Variants in SMG9 observed in about 807,000 individuals in gnomAD.
SMG9 encodes SMG9 nonsense mediated mRNA decay factor.
Under a neutral mutation model 64.0 loss-of-function variants are expected in SMG9, and 55 were observed. That is an observed-to-expected ratio of 0.86 (90% CI 0.69 to 1.08). The LOEUF is 1.08. SMG9 is among the 50% of genes least tolerant of loss of function. The probability of loss-of-function intolerance (pLI) is 0.00; values close to 1 mark genes in which losing one functional copy is unlikely to be tolerated. For missense variants in SMG9, 554 were observed against 681.3 expected, an observed-to-expected ratio of 0.81 and a Z score of 2.08; for synonymous variants, 244 against 254.8, an observed-to-expected ratio of 0.96 and a Z score of 0.41.
intron 6 of SMG9, among the ~76,000 whole-genome samples, chr19:43,740,479 C>G (rs554014379): frequency 6.6e-6 from 1 of 152,202 alleles, no homozygotes; most frequent in East Asian, 1.9e-4. Context: ...GCAGAGACTC[C>G]GCCAGTCTGC....
rs1469546061 is a variant in SMG9 at position 43,749,765 on chromosome 19, A to T, written c.150+827T>A. ...GAGGGGAGCGAGGCTGGGCCTGGGC[A>T]CAAGCCGATCCCTCCTGATTCCCAG... On this transcript the variant is annotated intron_variant, in intron 2 of 13. Transcript: ENST00000270066. Among the ~76,000 whole-genome samples, 7 of 152,192 alleles carry T rather than the reference A, an allele frequency of 4.6e-5. No homozygotes were observed. The South Asian group carries it at 1.4e-3, about 32-fold the overall frequency.
At position 43,728,406 on chromosome 19, in the gene SMG9, C is replaced by G. The variant is rs536353767; in HGVS notation, c.*3190G>C. On this transcript the variant is annotated 3_prime_UTR_variant, in exon 14 of 14. Transcript: ENST00000270066. ...GATTGTAAGTTTCCTGAGGCCTCCC[C>G]AGAAGCCGAGCAGATGCCAGCACCA... 1 of 154,304 alleles carries G rather than the reference C, an allele frequency of 6.5e-6. No individual in the cohort carries two copies. The highest frequency in any genetic ancestry group is 2.4e-5 in the African/African-American group (1 of 41,608). 9.6% of individuals were successfully genotyped at this position (154,304 alleles called of 1,614,324 possible). A position where few individuals can be genotyped will look rare whatever the true frequency, so the allele number is the denominator to read the frequency against.
Position 43,747,787 on chromosome 19 carries a change from G to A in SMG9, c.336C>T (p.Ala112=), listed in dbSNP as rs373495772. 2.1e-4 allele frequency: 345 copies of A among 1,606,408 alleles called. 2 individuals carry two copies. Among genetic ancestry groups the A allele is most frequent in the South Asian group, 1.8e-3 (163 of 90,236 alleles). ...CCTCAGGGGTAGAGGCACCTGTCAC[G>A]GCCACAGGCCCCTTCCCCTCCTCCC... ...KPREEGKGPV[A]VTGASTPEGT... The change falls in exon 4 of 14, where the codon GCC becomes GCT. Residue 112 remains alanine, a synonymous_variant. Transcript: ENST00000270066.
intron 8 of SMG9, 78 bp downstream of exon 8, chr19:43,738,044 C>T: frequency 2.1e-6 from 3 of 1,406,904 alleles, no homozygotes; most frequent in African/African-American, 1.4e-5. Flanking sequence ...GGACCACCCA[C>T]ACCCAGCTCT....
chr19:43,734,506 G>A lies in SMG9; in HGVS notation c.996-11C>T, dbSNP rs1157908385. On this transcript the variant is annotated splice_polypyrimidine_tract_variant and intron_variant, in intron 9 of 13. Coordinates refer to ENST00000270066, the MANE Select transcript of SMG9 (RefSeq NM_019108.4). Reference sequence around the variant, plus strand: ...GCTGTCTGCAGGAACCTTGGGGTTTGGGGTGAGTGGCTGTTGCTCTTGCAC... The same window carrying A: ...GCTGTCTGCAGGAACCTTGGGGTTTAGGGTGAGTGGCTGTTGCTCTTGCAC... 1.3e-6 allele frequency: 2 copies of A among 1,544,408 alleles called. No homozygotes were observed. The highest frequency in any genetic ancestry group is 1.8e-6 in the Non-Finnish European group (2 of 1,140,544).
In SMG9 at chr19:43,731,644, C is replaced by T; in HGVS notation, c.1515G>A (p.Gly505=). The part of the protein sequence containing the change: ...WFHYAARIWD[G]VRKSSALAEY... ...CTGCCAGAGCAGAGGACTTTCTCAC[C>T]CCATCCCAGATCCGGGCAGCGTAGT... Residue 505 remains glycine, a synonymous_variant, in exon 14 of 14, where the codon GGG becomes GGA. Transcript: ENST00000270066. 1 of 1,614,250 alleles carries T rather than the reference C, an allele frequency of 6.2e-7. No individual in the cohort carries two copies. Among genetic ancestry groups the T allele is most frequent in the South Asian group, 1.1e-5 (1 of 91,092 alleles).
intron 1 of SMG9, among the ~76,000 whole-genome samples, chr19:43,752,011 T>G (rs1175759539): frequency 1.3e-5 from 2 of 152,236 alleles, no homozygotes; most frequent in East Asian, 1.9e-4. Flanking sequence ...ACCAGCAATG[T>G]GATCCTCAGT....
chr19:43,741,215 T>C (rs1353511900), intron 6 of SMG9, among the ~76,000 whole-genome samples: 1 of 152,192 alleles, frequency 6.6e-6, no homozygotes, highest in Non-Finnish European at 1.5e-5. Context: ...GATTGCTTAG[T>C]TGGTGGAGCC....
At position 43,734,446 on chromosome 19, in the gene SMG9, GGCT is replaced by G; in HGVS notation, c.1042_1044del (p.Ser348del). 6.4e-7 allele frequency: 1 copy of G among 1,563,908 alleles called. No homozygotes were observed. Among genetic ancestry groups the G allele is most frequent in the Non-Finnish European group, 8.7e-7 (1 of 1,153,516 alleles). On this transcript the variant is annotated inframe_deletion, in exon 10 of 14. Coordinates refer to ENST00000270066, the MANE Select transcript of SMG9 (RefSeq NM_019108.4). The stretch of plus-strand genomic sequence containing the variant: ...GAGCCCGATGAGCTGCTGGACTCGT[GGCT>G]GGGGGATGGGGTGGAGGGCTTCACC...
At chr19:43,733,553 A>G in intron 11 of SMG9, 73 bp downstream of exon 11, 1 of 1,606,712 alleles carries the variant, frequency 6.2e-7, no homozygotes, top group Non-Finnish European at 8.5e-7. Flanking sequence ...GTCTGGGGGT[A>G]GAGACTGACC....
At chr19:43,733,127 T>C in intron 12 of SMG9, 125 bp from the exon 13 acceptor site, 1 of 1,343,540 alleles carries the variant, frequency 7.4e-7, no homozygotes, top group Non-Finnish European at 1.0e-6. Context: ...CCTGTACTTC[T>C]ATGACTCTGA....
intron 6 of SMG9, among the ~76,000 whole-genome samples, chr19:43,740,972 G>A (rs560443621): frequency 2.0e-5 from 3 of 152,264 alleles, no homozygotes; most frequent in Middle Eastern, 3.4e-3. Context: ...ACCTCTCAAG[G>A]GGTAATTTCT....
intron 5 of SMG9, among the ~76,000 whole-genome samples, chr19:43,746,813 CTTG>C (rs1241225932): frequency 2.1e-5 from 3 of 141,768 alleles, no homozygotes; most frequent in South Asian, 2.2e-4. Context: ...GCGTGGGCTT[CTTG>C]TTCTTTTTTT....
chr19:43,735,751 T>C (rs1328298260), intron 9 of SMG9, among the ~76,000 whole-genome samples: 1 of 152,076 alleles, frequency 6.6e-6, no homozygotes, highest in Non-Finnish European at 1.5e-5. Flanking sequence ...ATGGGATTGC[T>C]AAAATACAGG....
Position 43,747,529 on chromosome 19 carries a change from A to T in SMG9, c.501T>A (p.Gly167=). Residue 167 remains glycine, a synonymous_variant, in exon 5 of 14, where the codon GGT becomes GGA. Transcript: ENST00000270066. ...GCTCTGGGGGCAGTAGTTTGGCCTG[A>T]CCCACGACAGCTGGAGATTGGAGAA... ...AAPAAMDPVV[G]QAKLLPPERM... 6.2e-7 allele frequency: 1 copy of T among 1,614,180 alleles called. No individual in the cohort carries two copies. Among genetic ancestry groups the T allele is most frequent in the Non-Finnish European group, 8.5e-7 (1 of 1,180,040 alleles).
chr19:43,753,389 G>T (rs1031289897), intron 1 of SMG9, among the ~76,000 whole-genome samples: 3 of 151,492 alleles, frequency 2.0e-5, no homozygotes, highest in Non-Finnish European at 4.4e-5. Flanking sequence ...CAGCCCTGAG[G>T]TTTCTGTTTA....
chr19:43,729,072 G>A lies in SMG9; in HGVS notation c.*2524C>T. ...CTGCTGGATGTAAAGGGGGTGGCGG[G>A]TGACCGGTACATACTTACCCACTGT... is the stretch of plus-strand genomic sequence containing the variant. On this transcript the variant is annotated 3_prime_UTR_variant, in exon 14 of 14. Transcript: ENST00000270066. 2.0e-6 allele frequency: 2 copies of A among 982,798 alleles called. No homozygotes were observed. Among genetic ancestry groups the A allele is most frequent in the Non-Finnish European group, 2.4e-6 (2 of 827,580 alleles). The allele number at this position is 982,798 out of a possible 1,614,324, so 60.9% of individuals were successfully genotyped here. A position where few individuals can be genotyped will look rare whatever the true frequency, so the allele number is the denominator to read the frequency against.
Position 43,750,617 on chromosome 19 carries a change from A to C in SMG9, c.125T>G (p.Ile42Ser). ...SGPGGRERDY[I>S]APWERERRDA... ...CCTTCTCTCTCTTTCCCATGGTGCAATGTAGTCCCTCTCCCGACCACCAGG... is the reference window on the plus strand; with the variant it reads ...CCTTCTCTCTCTTTCCCATGGTGCACTGTAGTCCCTCTCCCGACCACCAGG... The change falls in exon 2 of 14, where the codon ATT (isoleucine) becomes AGT (serine). Residue 42 changes from isoleucine (I) to serine (S), a missense_variant. Coordinates refer to ENST00000270066, the MANE Select transcript of SMG9 (RefSeq NM_019108.4). 1 of 1,613,486 alleles carries C rather than the reference A, an allele frequency of 6.2e-7. No individual in the cohort carries two copies. Among genetic ancestry groups the C allele is most frequent in the Non-Finnish European group, 8.5e-7 (1 of 1,179,778 alleles).
At chr19:43,754,630 C>T (rs1568385095) in intron 1 of SMG9, 24 bp downstream of exon 1, 1 of 151,908 alleles carries the variant, frequency 6.6e-6, no homozygotes. Flanking sequence ...GCGCTAGCCT[C>T]GCGCGGGCTC....
Sources: gnomAD v4.1 joint callset for allele counts (sites outside exome capture counted in the v4.1 genomes callset) on GRCh38, gnomAD v4.1.1 for gene constraint, MANE v1.5 for transcripts, NCBI Gene and HGNC (gene_info 2026-07-23, HGNC 2026-07-21) for gene names.